The following TTC7B variants were observed in gnomAD, a reference collection of about 807,000 sequenced individuals.
The protein encoded by TTC7B is tetratricopeptide repeat domain 7B, also known as tetratricopeptide repeat protein 7B.
A neutral mutation model predicts 106.8 loss-of-function variants in TTC7B; 28 were observed. The ratio of observed to expected loss-of-function variants is 0.26; its 90% CI spans 0.19 to 0.36. The LOEUF is 0.36. Ranked by LOEUF, TTC7B falls within the 10% of genes least tolerant of loss-of-function variation. The probability of loss-of-function intolerance (pLI) is 1.00; values close to 1 mark genes in which losing one functional copy is unlikely to be tolerated. For synonymous variants in TTC7B, 405 were observed against 430.6 expected, an observed-to-expected ratio of 0.94 and a Z score of 0.74; for missense variants, 862 against 1,076.4, an observed-to-expected ratio of 0.80 and a Z score of 2.79.
At chr14:90,733,540 A>C (rs1267892069) in intron 4 of TTC7B, among the ~76,000 whole-genome samples, 1 of 152,214 alleles carries the variant, frequency 6.6e-6, no homozygotes, top group Non-Finnish European at 1.5e-5. Flanking sequence ...TCCCTTCCTC[A>C]CAAAGAGCCT....
chr14:90,720,042 C>T (rs1179471324), intron 5 of TTC7B, among the ~76,000 whole-genome samples: 1 of 148,618 alleles, frequency 6.7e-6, no homozygotes, highest in African/African-American at 2.5e-5. Flanking sequence ...TTTTTTTAAG[C>T]TCATCAGCTT....
chr14:90,739,144 G>A (rs1889661942), intron 4 of TTC7B, among the ~76,000 whole-genome samples: 1 of 152,132 alleles, frequency 6.6e-6, no homozygotes, highest in Admixed American at 6.5e-5. Context: ...CCTACTCCAG[G>A]CTCCCAGATA....
intron 17 of TTC7B, among the ~76,000 whole-genome samples, chr14:90,604,628 A>T (rs1480250382): frequency 6.6e-6 from 1 of 152,234 alleles, no homozygotes; most frequent in Non-Finnish European, 1.5e-5. Context: ...CATTTGGAAC[A>T]AAGATGAGCC....
chr14:90,686,675 T>C (rs1217317700), intron 7 of TTC7B, among the ~76,000 whole-genome samples: 1 of 152,244 alleles, frequency 6.6e-6, no homozygotes, highest in African/African-American at 2.4e-5. Context: ...TATTTCCATA[T>C]ACTTGCAGTG....
At chr14:90,738,893 T>C (rs1333019934) in intron 4 of TTC7B, among the ~76,000 whole-genome samples, 1 of 152,008 alleles carries the variant, frequency 6.6e-6, no homozygotes, top group Non-Finnish European at 1.5e-5. Context: ...GGCATGGTGG[T>C]GCGTGCCTGT....
intron 1 of TTC7B, among the ~76,000 whole-genome samples, chr14:90,810,276 C>G (rs538294854): frequency 4.6e-5 from 7 of 152,148 alleles, no homozygotes; most frequent in Non-Finnish European, 7.4e-5. Context: ...TAACATGTTT[C>G]AAAAAATTCT....
At chr14:90,630,398 T>C (rs1258454911) in intron 15 of TTC7B, among the ~76,000 whole-genome samples, 1 of 152,196 alleles carries the variant, frequency 6.6e-6, no homozygotes, top group Non-Finnish European at 1.5e-5. Context: ...AAGGGTCCCT[T>C]GTCATCTACG....
At chr14:90,585,671 C>T (rs1891681555) in intron 18 of TTC7B, 1 of 152,374 alleles carries the variant, frequency 6.6e-6, no homozygotes. Context: ...CTCCTCAGTC[C>T]CTACGCAGCT....
intron 2 of TTC7B, among the ~76,000 whole-genome samples, chr14:90,781,643 C>T (rs1481510101): frequency 1.3e-5 from 2 of 152,208 alleles, no homozygotes; most frequent in Non-Finnish European, 2.9e-5. Context: ...TGCACCACAA[C>T]CCTGTAACCC....
At chr14:90,611,315 G>C (rs78850505) in intron 16 of TTC7B, among the ~76,000 whole-genome samples, 1 of 152,112 alleles carries the variant, frequency 6.6e-6, no homozygotes, top group Non-Finnish European at 1.5e-5. Context: ...AACAACAGAC[G>C]CCTAGGTCCC....
At chr14:90,596,059 C>A (rs1203377933) in intron 17 of TTC7B, among the ~76,000 whole-genome samples, 1 of 152,034 alleles carries the variant, frequency 6.6e-6, no homozygotes, top group Non-Finnish European at 1.5e-5. Context: ...ATTGAAGACC[C>A]TAAAGAGGTT....
chr14:90,782,822 G>C (rs1891263141), intron 2 of TTC7B, among the ~76,000 whole-genome samples: 1 of 152,144 alleles, frequency 6.6e-6, no homozygotes, highest in South Asian at 2.1e-4. Flanking sequence ...AAGATGCAAA[G>C]AGTCCTGGAG....
intron 5 of TTC7B, among the ~76,000 whole-genome samples, chr14:90,724,459 G>A (rs773703664): frequency 3.9e-5 from 6 of 152,126 alleles, no homozygotes; most frequent in Non-Finnish European, 5.9e-5. Context: ...TGACTGGACC[G>A]TAGGGGTGAA....
intron 6 of TTC7B, among the ~76,000 whole-genome samples, chr14:90,694,573 A>G (rs2139944335): frequency 6.7e-6 from 1 of 149,656 alleles, no homozygotes; most frequent in East Asian, 1.9e-4. Context: ...AGTGACATAT[A>G]TGTATAATAC....
rs779838303 is a variant in TTC7B, at chr14:90,579,568, C to T, written c.2108-1260G>A. On this transcript the variant is annotated intron_variant, in intron 18 of 19. Transcript: ENST00000328459. ...ATCCTAGTACTTTGGGAGGCCGAGG[C>T]GGGCGGATAGCTTGAGGTCAGGAGT... Among the ~76,000 whole-genome samples the T allele has an allele frequency of 1.1e-4, 16 of 152,300 alleles. No individual in the cohort carries two copies. In the East Asian group the frequency reaches 1.7e-3, roughly 17 times the overall value.
At chr14:90,703,902 G>A (rs947471784) in intron 5 of TTC7B, among the ~76,000 whole-genome samples, 1 of 152,194 alleles carries the variant, frequency 6.6e-6, no homozygotes, top group Non-Finnish European at 1.5e-5. Context: ...GCCTGGGAAA[G>A]GCAAATCTGC....
At chr14:90,797,645 G>A (rs527960853) in intron 1 of TTC7B, among the ~76,000 whole-genome samples, 1 of 152,116 alleles carries the variant, frequency 6.6e-6, no homozygotes, top group African/African-American at 2.4e-5. Context: ...TCTCCAGGGG[G>A]CAATGTAGCA....
intron 3 of TTC7B, among the ~76,000 whole-genome samples, chr14:90,777,882 C>T (rs1476114838): frequency 1.3e-5 from 2 of 152,332 alleles, no homozygotes; most frequent in East Asian, 1.9e-4. Flanking sequence ...ATTTACGTTG[C>T]GCTCACTATG....
chr14:90,559,521 G>C (rs1029618896), intron 19 of TTC7B, among the ~76,000 whole-genome samples: 3 of 152,152 alleles, frequency 2.0e-5, no homozygotes, highest in African/African-American at 7.2e-5. Context: ...TGGGACACTA[G>C]GTGGAAAAGT....
Sources: gnomAD v4.1 joint callset for allele counts (sites outside exome capture counted in the v4.1 genomes callset) on GRCh38, gnomAD v4.1.1 for gene constraint, MANE v1.5 for transcripts, NCBI Gene and HGNC (gene_info 2026-07-23, HGNC 2026-07-21) for gene names.